The following RB1 variants were observed in gnomAD, a reference collection of about 807,000 sequenced individuals.
RB1 encodes RB transcriptional corepressor 1, also known as retinoblastoma-associated protein.
Under a neutral mutation model 135.4 loss-of-function variants are expected in RB1, and 18 were observed. The observed-to-expected ratio is 0.13, with a 90% CI of 0.09 to 0.20. The LOEUF is 0.20. Ranked by LOEUF, RB1 falls within the 10% of genes least tolerant of loss-of-function variation. RB1 has a pLI of 1.00. For missense variants in RB1, 868 were observed against 1,110.0 expected, an observed-to-expected ratio of 0.78 and a Z score of 3.10; for synonymous variants, 365 against 373.2, an observed-to-expected ratio of 0.98 and a Z score of 0.25.
chr13:48,318,149 C>T, intron 2 of RB1: 1 of 517,388 alleles, frequency 1.9e-6, no homozygotes, highest in Non-Finnish European at 3.5e-6. Flanking sequence ...CGCCCTCCTG[C>T]TTCGTCTTCT....
At chr13:48,396,778 A>C (rs777006890) in intron 17 of RB1, among the ~76,000 whole-genome samples, 1 of 152,230 alleles carries the variant, frequency 6.6e-6, no homozygotes, top group African/African-American at 2.4e-5. Context: ...CAGAATCTAC[A>C]AGGAACTTAA....
At chr13:48,412,015 A>G in intron 17 of RB1, 1 of 1,612,506 alleles carries the variant, frequency 6.2e-7, no homozygotes, top group South Asian at 1.1e-5. Flanking sequence ...ACGCCAGTGC[A>G]AACAATCTTT....
chr13:48,348,544 C>G (rs896875186), intron 5 of RB1, among the ~76,000 whole-genome samples: 1 of 151,300 alleles, frequency 6.6e-6, no homozygotes, highest in Admixed American at 6.6e-5. Context: ...GAAAAAAGAG[C>G]AAAAAATATT....
At chr13:48,358,995 A>T (rs1593442842) in intron 6 of RB1, among the ~76,000 whole-genome samples, 2 of 152,144 alleles carry the variant, frequency 1.3e-5, no homozygotes, top group African/African-American at 4.8e-5. Flanking sequence ...ACCTATAAAG[A>T]TGCAACGTTA....
In RB1 at chr13:48,323,705, T is replaced by C. The variant is rs138754376; in HGVS notation, c.264+16299T>C. On this transcript the variant is annotated intron_variant, in intron 2 of 26. Transcript: ENST00000267163. ...TAAGGCTTTGACTTCATAAAAGTTT[T>C]CACTCTTGGCCAATATTATTTACTA... 6.4e-3 allele frequency among the ~76,000 whole-genome samples: 976 copies of C among 152,242 alleles called. 7 individuals are homozygous for C. Among genetic ancestry groups the C allele is most frequent in the South Asian group, 0.036 (174 of 4,834 alleles).
chr13:48,387,229 A>G lies in RB1; in HGVS notation c.1695+5786A>G, dbSNP rs79918210. On this transcript the variant is annotated intron_variant, in intron 17 of 26. Transcript: ENST00000267163. ...GATCATAAAACAGTGCTATTGTTCT[A>G]TCTTTTTTGTTTTGTAGAATATGGT... Among the ~76,000 whole-genome samples the G allele has an allele frequency of 8.3e-3, 1,265 of 152,280 alleles. 15 individuals carry two copies. Among genetic ancestry groups the G allele is most frequent in the African/African-American group, 0.029 (1,207 of 41,572 alleles).
At chr13:48,420,857 A>C (rs572012017) in intron 17 of RB1, among the ~76,000 whole-genome samples, 1 of 152,214 alleles carries the variant, frequency 6.6e-6, no homozygotes, top group Non-Finnish European at 1.5e-5. Context: ...TTCAAGAACT[A>C]CAAACTTCAC....
intron 2 of RB1, chr13:48,320,133 C>A: frequency 1.3e-6 from 1 of 792,110 alleles, no homozygotes; most frequent in Non-Finnish European, 2.0e-6. Context: ...CTAGCACCAA[C>A]GGGCCAAAGT....
chr13:48,317,672 T>C (rs1159900502), intron 2 of RB1: 2 of 533,448 alleles, frequency 3.7e-6, no homozygotes, highest in Non-Finnish European at 5.7e-6. Flanking sequence ...CCACTGGTGC[T>C]CCTGGGCGGT....
chr13:48,465,636 A>G (rs2138346963), intron 23 of RB1, among the ~76,000 whole-genome samples: 1 of 151,800 alleles, frequency 6.6e-6, no homozygotes, highest in African/African-American at 2.4e-5. Context: ...CTGCATTTCC[A>G]TCTGAGGTAC....
intron 11 of RB1, among the ~76,000 whole-genome samples, chr13:48,370,957 T>G (rs1481927335): frequency 1.3e-5 from 2 of 152,164 alleles, no homozygotes; most frequent in African/African-American, 2.4e-5. Context: ...TCACTGGAGT[T>G]TCTAAGTATT....
At chr13:48,410,217 G>A (rs929153682) in intron 17 of RB1, among the ~76,000 whole-genome samples, 3 of 152,152 alleles carry the variant, frequency 2.0e-5, no homozygotes, top group Non-Finnish European at 4.4e-5. Flanking sequence ...CCGCATAAAC[G>A]ATGGTGGTCT....
At position 48,473,274 on chromosome 13, in the gene RB1, A is replaced by G. The variant is rs1030372677; in HGVS notation, c.2490-86A>G. ...TAACCTTTAATTTGGTATTCCTAAT[A>G]GTTCAGAATGATGTATTTATGCTCA... is the stretch of plus-strand genomic sequence containing the variant. On this transcript the variant is annotated intron_variant, in intron 23 of 26. Transcript: ENST00000267163. The G allele has an allele frequency of 1.9e-5, 20 of 1,043,080 alleles. No homozygotes were observed. Among genetic ancestry groups the G allele is most frequent in the Non-Finnish European group, 2.8e-5 (19 of 676,224 alleles). The allele number at this position is 1,043,080 out of a possible 1,614,324, so 64.6% of individuals were successfully genotyped here.
Position 48,399,427 on chromosome 13 carries a change from T to C in RB1, c.1695+17984T>C, listed in dbSNP as rs185070354. Among the ~76,000 whole-genome samples, 99 of 151,950 alleles carry C rather than the reference T, an allele frequency of 6.5e-4. 1 individual carries two copies. The East Asian group carries it at 9.1e-3, about 14-fold the overall frequency. ...TTTTAAGATAGATAAGCAGAAAGAA[T>C]ACAAACAAAAAAAGATAGTAATTTA... is the stretch of plus-strand genomic sequence containing the variant. On this transcript the variant is annotated intron_variant, in intron 17 of 26. Coordinates refer to ENST00000267163, the MANE Select transcript of RB1 (RefSeq NM_000321.3).
chr13:48,362,332 C>T (rs9595896), intron 7 of RB1, among the ~76,000 whole-genome samples: 5,071 of 151,510 alleles, frequency 0.033, 305 homozygotes, highest in African/African-American at 0.12. Flanking sequence ...TTTTAAATCA[C>T]AGTTTATTAT....
intron 2 of RB1, among the ~76,000 whole-genome samples, chr13:48,329,257 A>G (rs1032914246): frequency 3.9e-5 from 6 of 152,212 alleles, no homozygotes; most frequent in African/African-American, 1.4e-4. Context: ...ATTTTTAAAG[A>G]CAGGTTGATT....
chr13:48,371,714 A>G (rs1952760311), intron 11 of RB1, among the ~76,000 whole-genome samples: 2 of 152,122 alleles, frequency 1.3e-5, no homozygotes, highest in African/African-American at 4.8e-5. Flanking sequence ...TAATGGCAAG[A>G]GTGGGTGGCT....
intron 2 of RB1, among the ~76,000 whole-genome samples, chr13:48,334,920 C>T (rs1020973016): frequency 2.6e-5 from 4 of 151,872 alleles, no homozygotes; most frequent in African/African-American, 7.3e-5. Context: ...AGATTTTTCT[C>T]GAGTATTTCT....
At chr13:48,415,043 ATCT>A (rs775620353) in intron 17 of RB1, among the ~76,000 whole-genome samples, 19 of 152,016 alleles carry the variant, frequency 1.2e-4, no homozygotes, top group Non-Finnish European at 1.6e-4. Flanking sequence ...AATCTTAGTA[ATCT>A]TCTTTCAAAT....
Sources: allele counts gnomAD v4.1 joint callset (sites outside exome capture counted in the v4.1 genomes callset), GRCh38; gene constraint gnomAD v4.1.1; transcripts MANE v1.5; gene names NCBI Gene and HGNC (gene_info 2026-07-23, HGNC 2026-07-21).